The following CFDP1 variants were observed in gnomAD, a reference collection of about 807,000 sequenced individuals.
The protein encoded by CFDP1 is heterochromatin-stabilizing protein CFDP1.
A neutral mutation model predicts 40.1 loss-of-function variants in CFDP1; 31 were observed. The ratio of observed to expected loss-of-function variants is 0.77; its 90% CI spans 0.58 to 1.04. The LOEUF (loss-of-function observed/expected upper bound fraction) is 1.04. CFDP1 is among the 50% of genes least tolerant of loss of function. The pLI is 0.00. For missense variants in CFDP1, 423 were observed against 343.4 expected, an observed-to-expected ratio of 1.23 and a Z score of -1.83; for synonymous variants, 167 against 120.0, an observed-to-expected ratio of 1.39 and a Z score of -2.56.
chr16:75,410,541 A>G (rs1345831494), intron 4 of CFDP1, among the ~76,000 whole-genome samples: 1 of 152,154 alleles, frequency 6.6e-6, no homozygotes, highest in Non-Finnish European at 1.5e-5. Flanking sequence ...TGTGAGGCCA[A>G]GGCAGGCGGA....
intron 5 of CFDP1, among the ~76,000 whole-genome samples, chr16:75,326,804 G>C (rs943947411): frequency 3.3e-5 from 5 of 152,188 alleles, no homozygotes; most frequent in Non-Finnish European, 4.4e-5. Context: ...TGACGGTGAA[G>C]CAATGGCCTC....
chr16:75,347,423 T>TA, intron 5 of CFDP1, among the ~76,000 whole-genome samples: 1 of 149,930 alleles, frequency 6.7e-6, no homozygotes. Context: ...CTCACGCCTG[T>TA]AATCCCAGCA....
At position 75,419,212 on chromosome 16, in the gene CFDP1, A is replaced by T. The variant is rs188731018; in HGVS notation, c.65-4517T>A. On this transcript the variant is annotated intron_variant, in intron 1 of 6. Transcript: ENST00000283882. ...TGAAGACCTGAACATTAAAACAGGT[A>T]ATTGTTAGAAAATGAAAACACACTG... 1.3e-4 allele frequency: 22 copies of T among 163,240 alleles called. No homozygotes were observed. In the East Asian group the frequency reaches 3.7e-3, roughly 27 times the overall value. 10.1% of individuals were successfully genotyped at this position (163,240 alleles called of 1,614,324 possible).
At chr16:75,398,970 T>C (rs1052233998) in intron 4 of CFDP1, among the ~76,000 whole-genome samples, 1 of 145,236 alleles carries the variant, frequency 6.9e-6, no homozygotes, top group Admixed American at 7.4e-5. Flanking sequence ...GGCAGGAGAA[T>C]AGTGGGAACC....
intron 1 of CFDP1, among the ~76,000 whole-genome samples, chr16:75,422,394 CTCT>C (rs936155836): frequency 2.7e-5 from 4 of 147,696 alleles, no homozygotes; most frequent in South Asian, 4.3e-4. Context: ...TGCGTATGGC[CTCT>C]TTTTTTTTTT....
chr16:75,349,682 A>ATATATATATATATAT (rs60815655), intron 5 of CFDP1, among the ~76,000 whole-genome samples: 105 of 7,378 alleles, frequency 0.014, 6 homozygotes, highest in Admixed American at 0.034. Context: ...AAAAAAAAAA[A>ATATATATATATATAT]AAAAAAAAAT....
At chr16:75,323,504 G>A (rs1029705155) in intron 5 of CFDP1, among the ~76,000 whole-genome samples, 2 of 151,812 alleles carry the variant, frequency 1.3e-5, no homozygotes, top group African/African-American at 4.8e-5. Flanking sequence ...TATAGGGCTG[G>A]GTACAGTGGC....
In CFDP1 at chr16:75,350,399, T is replaced by C. The variant is rs147552848; in HGVS notation, c.650+44691A>G. ...TCCATACCCTTGCCAACACTTGCTA[T>C]TTCCATCTTTTTAAATTATAACCAT... On this transcript the variant is annotated intron_variant, in intron 5 of 6. Transcript: ENST00000283882. Among the ~76,000 whole-genome samples, 3 of 152,312 alleles carry C rather than the reference T, an allele frequency of 2.0e-5. No individual in the cohort carries two copies. In the East Asian group the frequency reaches 5.8e-4, roughly 29 times the overall value.
chr16:75,431,602 G>A (rs912801625), intron 1 of CFDP1, among the ~76,000 whole-genome samples: 1 of 152,098 alleles, frequency 6.6e-6, no homozygotes, highest in African/African-American at 2.4e-5. Flanking sequence ...CTGTGCCACT[G>A]CACTCCAGCC....
intron 5 of CFDP1, among the ~76,000 whole-genome samples, chr16:75,315,337 A>AC: frequency 7.0e-6 from 1 of 142,464 alleles, no homozygotes; most frequent in Non-Finnish European, 1.6e-5. Flanking sequence ...ATCTCAAAAA[A>AC]AAAAAAAAAA....
At chr16:75,425,041 C>A (rs1375834008) in intron 1 of CFDP1, among the ~76,000 whole-genome samples, 2 of 151,520 alleles carry the variant, frequency 1.3e-5, no homozygotes, top group Non-Finnish European at 1.5e-5. Flanking sequence ...TTTCCATATA[C>A]TAGTTACAAA....
At chr16:75,304,921 T>G (rs1567639804) in intron 6 of CFDP1, 103 bp downstream of exon 6, 1 of 1,231,360 alleles carries the variant, frequency 8.1e-7, no homozygotes, top group Non-Finnish European at 1.1e-6. Flanking sequence ...AGTTCCATCA[T>G]GAAAAGCTCC....
intron 5 of CFDP1, among the ~76,000 whole-genome samples, chr16:75,367,449 A>AT (rs11444482): frequency 1.3e-5 from 2 of 150,358 alleles, no homozygotes; most frequent in Non-Finnish European, 1.5e-5. Context: ...AAAAAAAAAA[A>AT]TTGCTAGGGA....
chr16:75,320,632 TC>T (rs990743497), intron 5 of CFDP1, among the ~76,000 whole-genome samples: 1 of 152,174 alleles, frequency 6.6e-6, no homozygotes, highest in African/African-American at 2.4e-5. Context: ...TGACACCCTC[TC>T]CTGGGGGACG....
At chr16:75,294,713 G>A (rs1046614367) in intron 6 of CFDP1, among the ~76,000 whole-genome samples, 1 of 152,054 alleles carries the variant, frequency 6.6e-6, no homozygotes, top group Non-Finnish European at 1.5e-5. Context: ...CTTCTGCTAA[G>A]ATGACAGGAG....
chr16:75,358,931 TA>T (rs1201328947), intron 5 of CFDP1, among the ~76,000 whole-genome samples: 113 of 152,302 alleles, frequency 7.4e-4, no homozygotes, highest in African/African-American at 2.6e-3. Flanking sequence ...TATAACCCAG[TA>T]ATCAGCAGTT....
intron 5 of CFDP1, among the ~76,000 whole-genome samples, chr16:75,318,093 C>T (rs1597327465): frequency 6.6e-6 from 1 of 151,894 alleles, no homozygotes; most frequent in African/African-American, 2.4e-5. Context: ...TGCACTCCAG[C>T]GCGCCACTGC....
At chr16:75,331,449 C>G (rs1284607277) in intron 5 of CFDP1, among the ~76,000 whole-genome samples, 1 of 152,102 alleles carries the variant, frequency 6.6e-6, no homozygotes, top group East Asian at 1.9e-4. Flanking sequence ...CTATTTATCT[C>G]CCATCAGTTT....
In CFDP1 at chr16:75,431,154, G is replaced by GA. The variant is rs201199771; in HGVS notation, c.64+2134dup. On this transcript the variant is annotated intron_variant, in intron 1 of 6. Transcript: ENST00000283882. ...ATGATGTTTATTCACACTGTCATTA[G>GA]AAAAAAAAAACACTGGGCCTGGCAC... Among the ~76,000 whole-genome samples, 247 of 147,464 alleles carry GA rather than the reference G, an allele frequency of 1.7e-3. 6 individuals are homozygous for GA. The East Asian group carries it at 0.038, about 23-fold the overall frequency.
Sources: gnomAD v4.1 joint callset for allele counts (sites outside exome capture counted in the v4.1 genomes callset) on GRCh38, gnomAD v4.1.1 for gene constraint, MANE v1.5 for transcripts, NCBI Gene and HGNC (gene_info 2026-07-23, HGNC 2026-07-21) for gene names.